Variants in CAST observed in about 807,000 individuals in gnomAD.
CAST encodes the protein calpastatin, also known as MIR583 host.
A neutral mutation model predicts 119.6 loss-of-function variants in CAST; 76 were observed. The observed-to-expected ratio is 0.64, with a 90% CI of 0.53 to 0.77. The LOEUF is 0.77. Among genes scored for constraint, CAST ranks in the 30% least tolerant of loss-of-function variants. The pLI, the probability that CAST is intolerant of heterozygous loss-of-function variation, is 0.00. For missense variants in CAST, 953 were observed against 946.5 expected (o/e 1.01, Z -0.09); for synonymous variants, 319 against 331.6 (o/e 0.96, Z 0.41).
At chr5:95,967,263 A>T in the CAST span, among the ~76,000 whole-genome samples, 1 of 152,042 alleles carries the variant, frequency 6.6e-6, no homozygotes, top group Admixed American at 6.5e-5. Flanking sequence ...TATTCTTGTC[A>T]GGTGCAGTTG....
the CAST span, among the ~76,000 whole-genome samples, chr5:96,078,403 T>C: frequency 7.2e-5 from 11 of 152,112 alleles, no homozygotes; most frequent in South Asian, 4.2e-4. Flanking sequence ...TCAAGCTTTT[T>C]TTTTTTTTAG....
the CAST span, among the ~76,000 whole-genome samples, chr5:96,265,229 A>C: frequency 6.6e-6 from 1 of 152,112 alleles, no homozygotes; most frequent in Non-Finnish European, 1.5e-5. Context: ...TGTGTTAGTC[A>C]GTGTTCTCCG....
At chr5:96,019,839 G>T in the CAST span, among the ~76,000 whole-genome samples, 3 of 152,188 alleles carry the variant, frequency 2.0e-5, no homozygotes, top group Non-Finnish European at 4.4e-5. Context: ...TATATTGAAT[G>T]AGAAGATACA....
At chr5:96,270,051 T>C in the CAST span, among the ~76,000 whole-genome samples, 1 of 152,202 alleles carries the variant, frequency 6.6e-6, no homozygotes, top group Non-Finnish European at 1.5e-5. Context: ...CGTGATCAAG[T>C]AGGATTTATT....
the CAST span, among the ~76,000 whole-genome samples, chr5:96,442,354 A>G: frequency 2.8e-4 from 43 of 152,198 alleles, no homozygotes; most frequent in African/African-American, 8.2e-4. Flanking sequence ...GTAAGTACTC[A>G]ATAAAATCTA....
the CAST span, among the ~76,000 whole-genome samples, chr5:96,141,806 G>A: frequency 6.6e-6 from 1 of 152,168 alleles, no homozygotes; most frequent in African/African-American, 2.4e-5. Flanking sequence ...ACAACCCTAC[G>A]ACCAATGGGC....
intron 1 of CAST, among the ~76,000 whole-genome samples, chr5:96,622,887 G>A (rs7724829): frequency 4.1e-4 from 15 of 36,940 alleles, no homozygotes; most frequent in East Asian, 1.4e-3. Flanking sequence ...TTTTTGAGAC[G>A]GAGTCTCGCT....
chr5:96,338,765 G>A, the CAST span, among the ~76,000 whole-genome samples: 2 of 152,166 alleles, frequency 1.3e-5, no homozygotes, highest in Non-Finnish European at 1.5e-5. Flanking sequence ...AGAACATCCT[G>A]TTCCTGGGAG....
chr5:96,150,544 G>C, the CAST span, among the ~76,000 whole-genome samples: 1 of 152,154 alleles, frequency 6.6e-6, no homozygotes, highest in Non-Finnish European at 1.5e-5. Flanking sequence ...GACATATGAG[G>C]CATCTCAAGG....
the CAST span, among the ~76,000 whole-genome samples, chr5:96,048,734 G>T: frequency 1.3e-5 from 2 of 152,060 alleles, no homozygotes; most frequent in Non-Finnish European, 2.9e-5. Context: ...GATACTCCAG[G>T]TGAACAGCGA....
the CAST span, among the ~76,000 whole-genome samples, chr5:96,284,585 C>T: frequency 6.6e-6 from 1 of 152,108 alleles, no homozygotes; most frequent in East Asian, 1.9e-4. Context: ...GGAGCGTGAT[C>T]GATCTGCAGC....
At chr5:96,243,388 A>T in the CAST span, among the ~76,000 whole-genome samples, 12 of 151,990 alleles carry the variant, frequency 7.9e-5, 1 homozygote, top group East Asian at 1.5e-3. Context: ...TGGAAGAAGA[A>T]TTTTCTTCCT....
chr5:96,142,470 C>T, the CAST span, among the ~76,000 whole-genome samples: 1 of 152,160 alleles, frequency 6.6e-6, no homozygotes, highest in Non-Finnish European at 1.5e-5. Context: ...ACACTTTATT[C>T]TGTATTTTAC....
intron 12 of CAST, 92 bp downstream of exon 12, chr5:96,740,210 A>C (rs1762401228): frequency 1.5e-6 from 1 of 658,524 alleles, no homozygotes; most frequent in Non-Finnish European, 2.6e-6. Context: ...GAAGTTAGAA[A>C]ATATAATGGT....
the CAST span, among the ~76,000 whole-genome samples, chr5:96,178,004 A>C: frequency 6.6e-6 from 1 of 152,228 alleles, no homozygotes; most frequent in Non-Finnish European, 1.5e-5. Context: ...CTAAAAATGA[A>C]TTCATATTTT....
chr5:96,644,163 A>G (rs1177690037), intron 1 of CAST, among the ~76,000 whole-genome samples: 3 of 152,228 alleles, frequency 2.0e-5, no homozygotes, highest in African/African-American at 4.8e-5. Flanking sequence ...TATACTTCAT[A>G]TGGGTGAATT....
chr5:96,400,858 C>G, the CAST span, among the ~76,000 whole-genome samples: 2 of 119,936 alleles, frequency 1.7e-5, no homozygotes, highest in African/African-American at 7.1e-5. Context: ...GAGGCCGAGG[C>G]GGGCGGATCA....
At chr5:96,523,902 C>A (rs560504994), upstream of CAST, among the ~76,000 whole-genome samples, 50 of 152,292 alleles carry the variant, frequency 3.3e-4, 1 homozygote, top group Middle Eastern at 6.8e-3. Flanking sequence ...GCAATGAATG[C>A]CACAATTAGC....
chr5:95,986,619 G>A, the CAST span, among the ~76,000 whole-genome samples: 18 of 151,976 alleles, frequency 1.2e-4, no homozygotes, highest in Admixed American at 3.9e-4. Context: ...CACTTTCAAG[G>A]CTTTTCAGCT....
Sources: allele counts gnomAD v4.1 joint callset (sites outside exome capture counted in the v4.1 genomes callset), GRCh38; gene constraint gnomAD v4.1.1; transcripts MANE v1.5; gene names NCBI Gene and HGNC (gene_info 2026-07-23, HGNC 2026-07-21).